The following ABLIM2 variants were observed in gnomAD, a reference collection of about 807,000 sequenced individuals.
ABLIM2 encodes actin-binding LIM protein 2.
In ABLIM2, 53 loss-of-function variants were observed where a neutral mutation model predicts 97.7. That is an observed-to-expected ratio of 0.54 (90% CI 0.44 to 0.68). The LOEUF (loss-of-function observed/expected upper bound fraction) is 0.68. Ranked by LOEUF, ABLIM2 falls within the 30% of genes least tolerant of loss-of-function variation. The probability of loss-of-function intolerance (pLI) is 0.00; values close to 1 mark genes in which losing one functional copy is unlikely to be tolerated. For missense variants in ABLIM2, 835 were observed against 867.2 expected (o/e 0.96, Z 0.47); for synonymous variants, 361 against 345.8 (o/e 1.04, Z -0.49).
Position 8,032,538 on chromosome 4 carries a change from G to T in ABLIM2, c.1048-2762C>A. 11 of 1,433,754 alleles carry T rather than the reference G, an allele frequency of 7.7e-6. No individual in the cohort carries two copies. The highest frequency in any genetic ancestry group is 1.1e-5 in the Non-Finnish European group (11 of 1,031,108). The allele number at this position is 1,433,754 out of a possible 1,614,324, so 88.8% of individuals were successfully genotyped here. A position where few individuals can be genotyped will look rare whatever the true frequency, so the allele number is the denominator to read the frequency against. On this transcript the variant is annotated intron_variant, in intron 10 of 20. Coordinates refer to ENST00000447017, the MANE Select transcript of ABLIM2 (RefSeq NM_001130083.2). This position sits in a 1 kb window ranked among gnomAD's most constrained non-coding sequence, Gnocchi z 4.3. ...AAGGGCCGTGGCCCCGGGCCCCATG[G>T]TGAAGAGCCACCGAGGAGGCCCTTC...
rs565761934 is a variant in ABLIM2 at position 8,075,110 on chromosome 4, T to C, written c.675+2518A>G. On this transcript the variant is annotated intron_variant, in intron 6 of 20. Transcript: ENST00000447017. This position sits in a 1 kb window ranked among gnomAD's most constrained non-coding sequence, Gnocchi z 4.4. Reference sequence around the variant, plus strand: ...AGCCTGACAATTCTGAGAGTCATGATGAAATATGATGCGAGAGTAAAGCTT... The same window carrying C: ...AGCCTGACAATTCTGAGAGTCATGACGAAATATGATGCGAGAGTAAAGCTT... Among the ~76,000 whole-genome samples the C allele has an allele frequency of 2.5e-4, 38 of 152,316 alleles. No homozygotes were observed. The highest frequency in any genetic ancestry group is 2.3e-3 in the South Asian group (11 of 4,828).
intron 6 of ABLIM2, among the ~76,000 whole-genome samples, chr4:8,063,744 T>C (rs1805039800): frequency 6.6e-6 from 1 of 152,254 alleles, no homozygotes; most frequent in African/African-American, 2.4e-5. Flanking sequence ...TGAATGTTTG[T>C]CCCTGTTAGA....
At chr4:8,077,919 G>GT (rs1221395464) in intron 5 of ABLIM2, among the ~76,000 whole-genome samples, 198 bp from the exon 6 acceptor site, 3 of 152,212 alleles carry the variant, frequency 2.0e-5, no homozygotes, top group African/African-American at 7.2e-5. Flanking sequence ...GATGACAATG[G>GT]TCCCATTTCA....
chr4:8,092,778 C>A (rs531619129), intron 3 of ABLIM2, among the ~76,000 whole-genome samples: 1 of 152,176 alleles, frequency 6.6e-6, no homozygotes, highest in Non-Finnish European at 1.5e-5. Flanking sequence ...GCTAAATAAA[C>A]CTCTGTTGAT....
Position 7,992,829 on chromosome 4 carries a change from G to A in ABLIM2, c.1680+37C>T, listed in dbSNP as rs761161566. ...AAACGTGCTCAGCCTCACAGCAATC[G>A]TTAGTACCCTGTGGCCAGGGAGGGG... On this transcript the variant is annotated intron_variant, in intron 17 of 20. Coordinates refer to ENST00000447017, the MANE Select transcript of ABLIM2 (RefSeq NM_001130083.2). This position sits in a 1 kb window ranked among gnomAD's most constrained non-coding sequence, Gnocchi z 5.7. The A allele has an allele frequency of 2.2e-5, 36 of 1,600,698 alleles. No individual in the cohort carries two copies. The highest frequency in any genetic ancestry group is 2.1e-4 in the South Asian group (19 of 89,448).
At chr4:8,151,663 T>C (rs1382867083) in intron 1 of ABLIM2, among the ~76,000 whole-genome samples, 1 of 152,086 alleles carries the variant, frequency 6.6e-6, no homozygotes, top group Non-Finnish European at 1.5e-5. Flanking sequence ...AAAGCAGGGT[T>C]GTACCCCGAG....
intron 3 of ABLIM2, among the ~76,000 whole-genome samples, chr4:8,092,933 C>A (rs1829635426): frequency 6.6e-6 from 1 of 152,164 alleles, no homozygotes; most frequent in African/African-American, 2.4e-5. Flanking sequence ...TCTGCAACCT[C>A]CACTTCCTGG....
chr4:7,987,333 G>A (rs953284503), intron 17 of ABLIM2, among the ~76,000 whole-genome samples: 1 of 151,058 alleles, frequency 6.6e-6, no homozygotes, highest in Admixed American at 6.6e-5. Flanking sequence ...GTGTTGCCCA[G>A]GCTGGTCTCA....
chr4:8,158,066 G>A (rs1038910971), intron 1 of ABLIM2, among the ~76,000 whole-genome samples: 2 of 152,266 alleles, frequency 1.3e-5, no homozygotes, highest in African/African-American at 4.8e-5. Flanking sequence ...GATCCCGGAG[G>A]GTGGGTGCGG....
chr4:8,030,885 G>T (rs1410281865), intron 10 of ABLIM2, among the ~76,000 whole-genome samples: 2 of 152,176 alleles, frequency 1.3e-5, no homozygotes, highest in Admixed American at 6.5e-5. Flanking sequence ...ATGCCCAGCT[G>T]CTGCTGGCTC....
At chr4:8,100,972 C>A (rs535395073) in intron 2 of ABLIM2, among the ~76,000 whole-genome samples, 1 of 152,256 alleles carries the variant, frequency 6.6e-6, no homozygotes, top group Non-Finnish European at 1.5e-5. Flanking sequence ...GCGAACGAAT[C>A]AGGTATACGG....
In ABLIM2 at chr4:8,149,785, G is replaced by A. The variant is rs1313260797; in HGVS notation, c.10+8895C>T. ...CACAGAGAAGGCCCGGACCTAGGCT[G>A]AGACTTCCCCAGCACCTCACACTCA... On this transcript the variant is annotated intron_variant, in intron 1 of 20. Coordinates refer to ENST00000447017, the MANE Select transcript of ABLIM2 (RefSeq NM_001130083.2). The surrounding 1 kb of genome is among the most constrained non-coding windows in gnomAD (Gnocchi z 6.4). Among the ~76,000 whole-genome samples the A allele has an allele frequency of 6.6e-6, 1 of 152,068 alleles. No homozygotes were observed. Among genetic ancestry groups the A allele is most frequent in the East Asian group, 1.9e-4 (1 of 5,154 alleles).
In ABLIM2 at chr4:8,069,065, C is replaced by G. The variant is rs933747135; in HGVS notation, c.676-8011G>C. On this transcript the variant is annotated intron_variant, in intron 6 of 20. Coordinates refer to ENST00000447017, the MANE Select transcript of ABLIM2 (RefSeq NM_001130083.2). The surrounding 1 kb of genome is among the most constrained non-coding windows in gnomAD (Gnocchi z 4.2). ...GGGCCCTCCCCAGACCTTCCACACC[C>G]TCTGGAACACAGCTCCTCTTGGCCC... 1.5e-4 allele frequency among the ~76,000 whole-genome samples: 23 copies of G among 152,366 alleles called. No homozygotes were observed. Among genetic ancestry groups the G allele is most frequent in the African/African-American group, 5.0e-4 (21 of 41,598 alleles).
rs765667522 is a variant in ABLIM2 at position 7,983,285 on chromosome 4, G to A, written c.1803C>T (p.Asp601=). ...TNRIRVKLPK[D]VDRTRLERHL... Reference sequence around the variant, plus strand: ...TTACCTCCAGTCTCGTCCGGTCCACGTCTTTGGGCAGTTTCACGCGAATTC... The same window carrying A: ...TTACCTCCAGTCTCGTCCGGTCCACATCTTTGGGCAGTTTCACGCGAATTC... Residue 601 remains aspartate (D), a synonymous_variant, in exon 20 of 21, where the codon GAC becomes GAT. Coordinates refer to ENST00000447017, the MANE Select transcript of ABLIM2 (RefSeq NM_001130083.2). 1.1e-5 allele frequency: 17 copies of A among 1,611,910 alleles called. No individual in the cohort carries two copies. Among genetic ancestry groups the A allele is most frequent in the Admixed American group, 1.7e-5 (1 of 59,776 alleles).
At chr4:8,013,796 G>C (rs572055130) in intron 14 of ABLIM2, among the ~76,000 whole-genome samples, 1 of 152,208 alleles carries the variant, frequency 6.6e-6, no homozygotes, top group African/African-American at 2.4e-5. Flanking sequence ...GATGCTTCCA[G>C]GGAAAGGGCC....
chr4:8,133,418 C>T (rs1226070421), intron 1 of ABLIM2, among the ~76,000 whole-genome samples: 3 of 152,186 alleles, frequency 2.0e-5, no homozygotes, highest in East Asian at 1.9e-4. Context: ...GGTATCTCTT[C>T]TCCTGCTCCC....
At chr4:7,983,215 G>C (rs760889081) in intron 20 of ABLIM2, 49 bp downstream of exon 20, 80 of 1,556,118 alleles carry the variant, frequency 5.1e-5, no homozygotes, top group Non-Finnish European at 6.9e-5. Flanking sequence ...CATCTGCGGG[G>C]ACTCTCGCAT....
chr4:8,008,318 G>C, intron 15 of ABLIM2, 118 bp from the exon 16 acceptor site: 1 of 978,008 alleles, frequency 1.0e-6, no homozygotes, highest in Non-Finnish European at 1.5e-6. Context: ...CCCACTGTGA[G>C]AAAACTCAAT....
chr4:8,054,096 C>A lies in ABLIM2; in HGVS notation c.822+92G>T, dbSNP rs892680602. 1.4e-6 allele frequency: 2 copies of A among 1,448,606 alleles called. No individual in the cohort carries two copies. 89.7% of individuals were successfully genotyped at this position (1,448,606 alleles called of 1,614,324 possible). A position where few individuals can be genotyped will look rare whatever the true frequency, so the allele number is the denominator to read the frequency against. On this transcript the variant is annotated intron_variant, in intron 8 of 20. Transcript: ENST00000447017. This position sits in a 1 kb window ranked among gnomAD's most constrained non-coding sequence, Gnocchi z 4.9. Reference sequence around the variant, plus strand: ...GCAGCCCGTGGGACTGGACAATGAGCCTGTAGAATCTGGTCAGTGTCCTCT... The same window carrying A: ...GCAGCCCGTGGGACTGGACAATGAGACTGTAGAATCTGGTCAGTGTCCTCT...
Sources: allele counts gnomAD v4.1 joint callset (sites outside exome capture counted in the v4.1 genomes callset), GRCh38; gene constraint gnomAD v4.1.1; non-coding constraint Gnocchi (gnomAD v3.1); transcripts MANE v1.5; gene names NCBI Gene and HGNC (gene_info 2026-07-23, HGNC 2026-07-21).